DSCAML1: variants seen among roughly 807,000 people sequenced by gnomAD.
DSCAML1 encodes the protein DS cell adhesion molecule like 1, also known as cell adhesion molecule DSCAML1.
Under a neutral mutation model 200.5 loss-of-function variants are expected in DSCAML1, and 38 were observed. That is an observed-to-expected ratio of 0.19 (90% CI 0.15 to 0.25). DSCAML1 has a LOEUF of 0.25. Among genes scored for constraint, DSCAML1 ranks in the 10% least tolerant of loss-of-function variants. The pLI is 1.00. For synonymous variants in DSCAML1, 1,215 were observed against 1,165.0 expected (o/e 1.04, Z -0.87); for missense variants, 2,223 against 2,858.8 (o/e 0.78, Z 5.07).
At chr11:117,787,882 G>A (rs898866372) in intron 1 of DSCAML1, among the ~76,000 whole-genome samples, 1 of 152,084 alleles carries the variant, frequency 6.6e-6, no homozygotes, top group Non-Finnish European at 1.5e-5. Flanking sequence ...CCACACAAAG[G>A]TTTTCATGGG....
intron 3 of DSCAML1, among the ~76,000 whole-genome samples, chr11:117,649,365 C>T (rs75225753): frequency 0.016 from 2,378 of 152,224 alleles, 45 homozygotes; most frequent in African/African-American, 0.052. Flanking sequence ...CACCATGCCC[C>T]GCCAACTTAT....
chr11:117,623,190 CT>C (rs915481874), intron 3 of DSCAML1, among the ~76,000 whole-genome samples: 2 of 146,806 alleles, frequency 1.4e-5, no homozygotes, highest in Non-Finnish European at 1.5e-5. Context: ...ATGCTAAACT[CT>C]TTTTTTTCTT....
In DSCAML1 at chr11:117,430,862, T is replaced by C; in HGVS notation, c.5546A>G (p.Asn1849Ser). 2 of 1,614,004 alleles carry C rather than the reference T, an allele frequency of 1.2e-6. No homozygotes were observed. The highest frequency in any genetic ancestry group is 2.2e-5 in the East Asian group (1 of 44,886). ...SSSDQMTTGT[N>S]ENADSMTSMS... ...GGATGTCATGCTGTCGGCGTTCTCG[T>C]TGGTGCCTGTGGTCATCTGGTCAGA... The change falls in exon 32 of 33, where the codon AAC (asparagine) becomes AGC (serine). Residue 1849 changes from asparagine to serine, a missense_variant. By Grantham distance (46) the Asn-to-Ser change is conservative (BLOSUM62 1). This residue lies in a region of DSCAML1 where 96 missense variants were observed against 160.7 expected (regional missense o/e 0.60). Coordinates refer to ENST00000651296, the MANE Select transcript of DSCAML1 (RefSeq NM_020693.4).
intron 27 of DSCAML1, among the ~76,000 whole-genome samples, chr11:117,434,274 T>A (rs2047861888): frequency 6.6e-6 from 1 of 152,180 alleles, no homozygotes; most frequent in Non-Finnish European, 1.5e-5. Context: ...CAACCATTAA[T>A]TCATCATCCA....
intron 3 of DSCAML1, among the ~76,000 whole-genome samples, chr11:117,610,932 T>C (rs1235157322): frequency 6.7e-6 from 1 of 150,068 alleles, no homozygotes; most frequent in Non-Finnish European, 1.5e-5. Flanking sequence ...AGAAGTAGCA[T>C]TGCTGAGTCA....
At chr11:117,746,328 G>C (rs2054517873) in intron 3 of DSCAML1, among the ~76,000 whole-genome samples, 1 of 151,824 alleles carries the variant, frequency 6.6e-6, no homozygotes, top group African/African-American at 2.4e-5. Flanking sequence ...CCTTGGATAT[G>C]GGCATTTGGA....
rs1411937848 is a variant in DSCAML1, at chr11:117,571,266, T to G, written c.512-38744A>C. Among the ~76,000 whole-genome samples the G allele has an allele frequency of 2.6e-5, 4 of 152,184 alleles. No individual in the cohort carries two copies. The East Asian group carries it at 7.7e-4, about 29-fold the overall frequency. On this transcript the variant is annotated intron_variant, in intron 3 of 32. Transcript: ENST00000651296. ...AGCAAAGGGCTTTGGAGATCATCCT[T>G]ATCATTGCAGTTATTGCTACAATTT... is the stretch of plus-strand genomic sequence containing the variant.
chr11:117,655,726 C>T (rs553681690), intron 3 of DSCAML1, among the ~76,000 whole-genome samples: 1 of 152,274 alleles, frequency 6.6e-6, no homozygotes, highest in South Asian at 2.1e-4. Flanking sequence ...ATGTCAGGTG[C>T]CATGAGGATT....
At chr11:117,659,912 C>T (rs1038946531) in intron 3 of DSCAML1, among the ~76,000 whole-genome samples, 4 of 151,984 alleles carry the variant, frequency 2.6e-5, no homozygotes, top group Admixed American at 6.6e-5. Flanking sequence ...TTAGTAGAGA[C>T]TGGGTTTTAC....
At position 117,498,158 on chromosome 11, in the gene DSCAML1, G is replaced by A. The variant is rs1219663063; in HGVS notation, c.2359+5687C>T. On this transcript the variant is annotated intron_variant, in intron 11 of 32. Coordinates refer to ENST00000651296, the MANE Select transcript of DSCAML1 (RefSeq NM_020693.4). The surrounding 1 kb of genome is among the most constrained non-coding windows in gnomAD (Gnocchi z 4.0). ...CCCCCAAGGAGCTTCAGTCTGTGAC[G>A]AGATAGGACCCACCACCGGGGAACA... Among the ~76,000 whole-genome samples, 3 of 152,206 alleles carry A rather than the reference G, an allele frequency of 2.0e-5. No homozygotes were observed. Among genetic ancestry groups the A allele is most frequent in the Admixed American group, 1.3e-4 (2 of 15,290 alleles).
chr11:117,435,726 A>G lies in DSCAML1; in HGVS notation c.4794T>C (p.Pro1598=), dbSNP rs202022875. 6.2e-7 allele frequency: 1 copy of G among 1,613,518 alleles called. No homozygotes were observed. The highest frequency in any genetic ancestry group is 1.7e-5 in the Admixed American group (1 of 60,022). ...CCACCCCCAGTGTGGCCAGGATGAC[A>G]GGGCAGCCGATGGTGAACAGCTTCT... ...DVKKLFTIGC[P]VILATLGVAL... is the part of the protein sequence containing the mutation. The change falls in exon 27 of 33, where the codon CCT becomes CCC. Residue 1598 remains proline, a synonymous_variant. Coordinates refer to ENST00000651296, the MANE Select transcript of DSCAML1 (RefSeq NM_020693.4).
intron 3 of DSCAML1, among the ~76,000 whole-genome samples, chr11:117,722,422 G>C (rs1382937914): frequency 6.6e-6 from 1 of 152,124 alleles, no homozygotes; most frequent in Non-Finnish European, 1.5e-5. Flanking sequence ...CAGATCCAAA[G>C]TTACTGCTAG....
intron 1 of DSCAML1, among the ~76,000 whole-genome samples, chr11:117,807,849 T>G (rs2055722131): frequency 6.6e-6 from 1 of 152,148 alleles, no homozygotes; most frequent in Non-Finnish European, 1.5e-5. Flanking sequence ...AAATTGGAGC[T>G]TTGCAGTTTT....
At chr11:117,535,734 C>T (rs992850069) in intron 3 of DSCAML1, among the ~76,000 whole-genome samples, 3 of 151,992 alleles carry the variant, frequency 2.0e-5, no homozygotes, top group African/African-American at 7.2e-5. Flanking sequence ...GTGCCAGTGT[C>T]GGGAGGTAGT....
upstream of DSCAML1, among the ~76,000 whole-genome samples, chr11:117,800,021 A>G (rs1475373817): frequency 6.6e-6 from 1 of 152,244 alleles, no homozygotes; most frequent in Non-Finnish European, 1.5e-5. Flanking sequence ...GAAACACGGA[A>G]GGTGCACACT....
intron 3 of DSCAML1, among the ~76,000 whole-genome samples, chr11:117,602,673 T>G (rs968454881): frequency 2.0e-5 from 3 of 152,116 alleles, no homozygotes; most frequent in African/African-American, 7.2e-5. Context: ...AGGGTCCCTC[T>G]CTTTCGACTC....
intron 3 of DSCAML1, among the ~76,000 whole-genome samples, chr11:117,656,245 G>A (rs73592629): frequency 0.014 from 2,073 of 152,276 alleles, 42 homozygotes; most frequent in African/African-American, 0.047. Context: ...CTTGGGTGGG[G>A]GCAGCGGGGC....
At chr11:117,717,623 G>C (rs747732311) in intron 3 of DSCAML1, among the ~76,000 whole-genome samples, 1 of 152,206 alleles carries the variant, frequency 6.6e-6, no homozygotes, top group Admixed American at 6.5e-5. Context: ...ACTTCCTGGC[G>C]CCATGCCGTG....
intron 3 of DSCAML1, among the ~76,000 whole-genome samples, chr11:117,721,838 C>T (rs1220352264): frequency 1.4e-5 from 2 of 148,012 alleles, no homozygotes; most frequent in African/African-American, 2.5e-5. Context: ...GACAGAGTCT[C>T]GCTGTCGCCC....
Sources: allele counts gnomAD v4.1 joint callset (sites outside exome capture counted in the v4.1 genomes callset), GRCh38; gene constraint gnomAD v4.1.1; regional missense constraint gnomAD v4.1.1; non-coding constraint Gnocchi (gnomAD v3.1); transcripts MANE v1.5; gene names NCBI Gene and HGNC (gene_info 2026-07-23, HGNC 2026-07-21).